The following FLOT1 variants were observed in gnomAD, a reference collection of about 807,000 sequenced individuals.
The protein encoded by FLOT1 is flotillin 1.
A neutral mutation model predicts 58.4 loss-of-function variants in FLOT1; 40 were observed. That is an observed-to-expected ratio of 0.69 (90% CI 0.53 to 0.89). The LOEUF (loss-of-function observed/expected upper bound fraction) is 0.89, where lower values mean the gene tolerates loss of function less well. Among genes scored for constraint, FLOT1 ranks in the 40% least tolerant of loss-of-function variants. The pLI is 0.00. For missense variants in FLOT1, 423 were observed against 540.8 expected (o/e 0.78, Z 2.16); for synonymous variants, 178 against 204.2 (o/e 0.87, Z 1.09).
Position 30,742,341 on chromosome 6 carries a change from C to G in FLOT1, c.-14-138G>C. ...CCCGTCCCTTCTACACCCATGGGTC[C>G]GCTAAGGCTTTTCCCTACAAAATCC... On this transcript the variant is annotated intron_variant, in intron 1 of 12. Coordinates refer to ENST00000376389, the MANE Select transcript of FLOT1 (RefSeq NM_005803.4). This position sits in a 1 kb window ranked among gnomAD's most constrained non-coding sequence, Gnocchi z 5.2. The G allele has an allele frequency of 8.5e-6, 6 of 702,150 alleles. No homozygotes were observed. Among genetic ancestry groups the G allele is most frequent in the Non-Finnish European group, 1.5e-5 (6 of 395,992 alleles). 43.5% of individuals were successfully genotyped at this position (702,150 alleles called of 1,614,324 possible). A position where few individuals can be genotyped will look rare whatever the true frequency, so the allele number is the denominator to read the frequency against.
chr6:30,727,754 T>A lies in FLOT1; in HGVS notation c.*362A>T, dbSNP rs1384597240. 1 of 385,190 alleles carries A rather than the reference T, an allele frequency of 2.6e-6. No individual in the cohort carries two copies. The highest frequency in any genetic ancestry group is 4.8e-6 in the Non-Finnish European group (1 of 208,180). 23.9% of individuals were successfully genotyped at this position (385,190 alleles called of 1,614,324 possible). A position where few individuals can be genotyped will look rare whatever the true frequency, so the allele number is the denominator to read the frequency against. On this transcript the variant is annotated 3_prime_UTR_variant, in exon 13 of 13. Transcript: ENST00000376389. Reference sequence around the variant, plus strand: ...TTTTATTAGTACTTACTTACAGCAATTTATTTGGGTAGCAAAGTTGAAAAC... The same window carrying A: ...TTTTATTAGTACTTACTTACAGCAAATTATTTGGGTAGCAAAGTTGAAAAC...
intron 8 of FLOT1, 48 bp downstream of exon 8, chr6:30,740,106 AGCCT>A (rs71695445): frequency 0.045 from 70,550 of 1,578,732 alleles, 2,669 homozygotes; most frequent in African/African-American, 0.16. Context: ...TGAGATGGAC[AGCCT>A]GAGAGGAATG....
chr6:30,741,797 G>C lies in FLOT1; in HGVS notation c.114C>G (p.Ile38Met). ...CTGGTTCCCTTCTTGCCTACCTCTG[G>C]ATCTGTTGGATGCAGGGCAGGACAA... ...RVFVLPCIQQ[I>M]QRISLNTLTL... The change falls in exon 3 of 13, where the codon ATC becomes ATG. Residue 38 changes from isoleucine (I) to methionine (M), a missense_variant. Ile to Met is a conservative substitution (Grantham distance 10). This residue lies in a region of FLOT1 where 91 missense variants were observed against 118.3 expected (regional missense o/e 0.77). Transcript: ENST00000376389. This position sits in a 1 kb window ranked among gnomAD's most constrained non-coding sequence, Gnocchi z 5.9. 6.2e-7 allele frequency: 1 copy of C among 1,612,956 alleles called. No homozygotes were observed. The highest frequency in any genetic ancestry group is 8.5e-7 in the Non-Finnish European group (1 of 1,179,926).
rs561055342 is a variant in FLOT1 at position 30,728,660 on chromosome 6, G to T, written c.1255-515C>A. On this transcript the variant is annotated intron_variant, in intron 12 of 12. Transcript: ENST00000376389. ...AATTTTTGTATTTTTGGTAGAGATG[G>T]GGTATCACCATGTTGGCCAGGGTGA... Among the ~76,000 whole-genome samples, 10 of 151,754 alleles carry T rather than the reference G, an allele frequency of 6.6e-5. No homozygotes were observed. In the East Asian group the frequency reaches 1.6e-3, roughly 24 times the overall value.
chr6:30,740,348 G>C lies in FLOT1; in HGVS notation c.571-38C>G, dbSNP rs770345339. The C allele has an allele frequency of 5.6e-5, 91 of 1,610,920 alleles. No individual in the cohort carries two copies. In the Admixed American group the frequency reaches 1.5e-3, roughly 26 times the overall value. ...AGATCAGGTAGGAAATGTCAGGGCA[G>C]GGGGAGAAAGGCCACGGTGACAGCC... On this transcript the variant is annotated intron_variant, in intron 7 of 12. Transcript: ENST00000376389.
intron 8 of FLOT1, 99 bp from the exon 9 acceptor site, chr6:30,731,199 C>T: frequency 7.7e-7 from 1 of 1,294,082 alleles, no homozygotes; most frequent in Non-Finnish European, 1.1e-6. Flanking sequence ...AAATAGGAGC[C>T]GGTGGCCGGG....
At chr6:30,729,622 T>A (rs1777004934) in intron 12 of FLOT1, among the ~76,000 whole-genome samples, 1 of 152,296 alleles carries the variant, frequency 6.6e-6, no homozygotes, top group African/African-American at 2.4e-5. Context: ...TCTACCATGA[T>A]CTACAGGTGA....
rs750909604 is a variant in FLOT1 at position 30,730,713 on chromosome 6, A to T, written c.920T>A (p.Met307Lys). The T allele has an allele frequency of 1.2e-6, 2 of 1,613,352 alleles. No individual in the cohort carries two copies. Among genetic ancestry groups the T allele is most frequent in the Admixed American group, 3.3e-5 (2 of 60,032 alleles). The change falls in exon 10 of 13, where the codon ATG becomes AAG. Residue 307 changes from methionine to lysine, a missense_variant. Met to Lys is a moderately conservative substitution (Grantham distance 95). Coordinates refer to ENST00000376389, the MANE Select transcript of FLOT1 (RefSeq NM_005803.4). The stretch of plus-strand genomic sequence containing the variant: ...AGACGCGGCTTCTGCCTCCGCCTGC[A>T]TAATTAGTTGGGACCTGTGGACAGA... The part of the protein sequence containing the change: ...LAEAEKSQLI[M>K]QAEAEAASVR...
At chr6:30,738,960 A>G (rs1287543455) in intron 8 of FLOT1, among the ~76,000 whole-genome samples, 1 of 152,232 alleles carries the variant, frequency 6.6e-6, no homozygotes, top group African/African-American at 2.4e-5. Flanking sequence ...AAAGATCCTG[A>G]AAGTGCTGCG....
In FLOT1 at chr6:30,741,848, T is replaced by G. The variant is rs1562197748; in HGVS notation, c.63A>C (p.Pro21=). ...AGACACGCCCTCCAGCCACCATGAC[T>G]GGGGGGCTTCGGCAGAACCCTGCAA... The part of the protein sequence containing the change: ...MVVSGFCRSP[P]VMVAGGRVFV... Residue 21 remains proline (P), a synonymous_variant, in exon 3 of 13, where the codon CCA becomes CCC. Transcript: ENST00000376389. This position sits in a 1 kb window ranked among gnomAD's most constrained non-coding sequence, Gnocchi z 5.9. 3 of 1,612,624 alleles carry G rather than the reference T, an allele frequency of 1.9e-6. No homozygotes were observed. Among genetic ancestry groups the G allele is most frequent in the Admixed American group, 1.7e-5 (1 of 60,014 alleles).
rs1162008587 is a variant in FLOT1, at chr6:30,740,537, G to A, written c.529C>T (p.Arg177Trp). 6.8e-6 allele frequency: 11 copies of A among 1,612,808 alleles called. No homozygotes were observed. Among genetic ancestry groups the A allele is most frequent in the African/African-American group, 4.0e-5 (3 of 74,882 alleles). The change falls in exon 7 of 13, where the codon CGG (arginine) becomes TGG (tryptophan). Residue 177 changes from arginine (R) to tryptophan (W), a missense_variant. Physicochemically the swap from Arg to Trp is moderately radical, Grantham distance 101. Coordinates refer to ENST00000376389, the MANE Select transcript of FLOT1 (RefSeq NM_005803.4). ...CTCTTGGCCTCTGCTTCTCCAATCC[G>A]TGCATCTTTTTGGACTTGAGCTGTT... is the stretch of plus-strand genomic sequence containing the variant. ...ARTAQVQKDA[R>W]IGEAEAKRDA...
chr6:30,740,860 C>T lies in FLOT1; in HGVS notation c.355-62G>A, dbSNP rs564092176. On this transcript the variant is annotated intron_variant, in intron 5 of 12. Coordinates refer to ENST00000376389, the MANE Select transcript of FLOT1 (RefSeq NM_005803.4). ...TTTTTTTTTTTTTTTTTTTTTTGCT[C>T]ACTGCAACCTCTGCCTCCTGGGTTC... The T allele has an allele frequency of 1.6e-4, 220 of 1,382,896 alleles. 6 individuals are homozygous for T. Among genetic ancestry groups the T allele is most frequent in the East Asian group, 1.1e-3 (39 of 36,990 alleles). The allele number at this position is 1,382,896 out of a possible 1,614,324, so 85.7% of individuals were successfully genotyped here.
At chr6:30,729,016 G>A (rs1397482342) in intron 12 of FLOT1, among the ~76,000 whole-genome samples, 1 of 151,178 alleles carries the variant, frequency 6.6e-6, no homozygotes, top group Non-Finnish European at 1.5e-5. Flanking sequence ...CTGACCTCGT[G>A]ATCCGCCCGC....
chr6:30,742,467 C>T lies in FLOT1; in HGVS notation c.-15+60G>A, dbSNP rs1026119912. On this transcript the variant is annotated intron_variant, in intron 1 of 12. Transcript: ENST00000376389. This position sits in a 1 kb window ranked among gnomAD's most constrained non-coding sequence, Gnocchi z 5.2. ...CCCCCGCGCCCAGAGGCCTGCAGACCTTTCCCCTCTCTCCCTGCTTCTCGG... is the reference window on the plus strand; with the variant it reads ...CCCCCGCGCCCAGAGGCCTGCAGACTTTTCCCCTCTCTCCCTGCTTCTCGG... The T allele has an allele frequency of 1.5e-5, 8 of 531,908 alleles. No homozygotes were observed. Among genetic ancestry groups the T allele is most frequent in the Non-Finnish European group, 2.7e-5 (8 of 298,944 alleles). 32.9% of individuals were successfully genotyped at this position (531,908 alleles called of 1,614,324 possible).
At chr6:30,738,506 C>T (rs1777743984) in intron 8 of FLOT1, among the ~76,000 whole-genome samples, 1 of 152,076 alleles carries the variant, frequency 6.6e-6, no homozygotes. Flanking sequence ...TTAGTTAATA[C>T]CTAATTTGTT....
chr6:30,740,653 G>A (rs752498099), intron 6 of FLOT1, 26 bp downstream of exon 6: 3 of 1,612,956 alleles, frequency 1.9e-6, no homozygotes, highest in Non-Finnish European at 2.5e-6. Context: ...CAAGGAAGTG[G>A]GGAAGGATCA....
At chr6:30,738,685 T>G (rs1057515124) in intron 8 of FLOT1, among the ~76,000 whole-genome samples, 4 of 152,214 alleles carry the variant, frequency 2.6e-5, no homozygotes, top group Non-Finnish European at 5.9e-5. Context: ...GTATAACTTA[T>G]GCATGAACGA....
At position 30,737,254 on chromosome 6, in the gene FLOT1, G is replaced by GTCCGTCCATCCGTCCATCCATCCA. The variant is rs1777660788; in HGVS notation, c.723+2903_723+2904insTGGATGGATGGACGGATGGACGGA. 2.8e-5 allele frequency among the ~76,000 whole-genome samples: 4 copies of GTCCGTCCATCCGTCCATCCATCCA among 143,232 alleles called. No homozygotes were observed. The highest frequency in any genetic ancestry group is 7.5e-5 in the African/African-American group (3 of 39,972). 94.0% of individuals were successfully genotyped at this position (143,232 alleles called of 152,430 possible). A position where few individuals can be genotyped will look rare whatever the true frequency, so the allele number is the denominator to read the frequency against. ...CGTCCGTCCGTCCGTCCGTCCATCCGTCCATCCATCCATCCATATATCTAT... is the reference window on the plus strand; with the variant it reads ...CGTCCGTCCGTCCGTCCGTCCATCCGTCCGTCCATCCGTCCATCCATCCATCCATCCATCCATCCATATATCTAT... On this transcript the variant is annotated intron_variant, in intron 8 of 12. Coordinates refer to ENST00000376389, the MANE Select transcript of FLOT1 (RefSeq NM_005803.4). The surrounding 1 kb of genome is among the most constrained non-coding windows in gnomAD (Gnocchi z 4.4).
chr6:30,735,306 T>A (rs987473111), intron 8 of FLOT1, among the ~76,000 whole-genome samples: 2 of 151,970 alleles, frequency 1.3e-5, no homozygotes, highest in Admixed American at 6.6e-5. Flanking sequence ...TCTAGTCTAC[T>A]CTCTTCAGAT....
Sources: allele counts gnomAD v4.1 joint callset (sites outside exome capture counted in the v4.1 genomes callset), GRCh38; gene constraint gnomAD v4.1.1; regional missense constraint gnomAD v4.1.1; non-coding constraint Gnocchi (gnomAD v3.1); transcripts MANE v1.5; gene names NCBI Gene and HGNC (gene_info 2026-07-23, HGNC 2026-07-21).